Variants in SIRT1 observed in about 807,000 individuals in gnomAD.
SIRT1 encodes the protein sirtuin 1.
A neutral mutation model predicts 67.9 loss-of-function variants in SIRT1; 24 were observed. The ratio of observed to expected loss-of-function variants is 0.35; its 90% CI spans 0.26 to 0.50. The LOEUF is 0.50. Ranked by LOEUF, SIRT1 falls within the 20% of genes least tolerant of loss-of-function variation. The pLI, the probability that SIRT1 is intolerant of heterozygous loss-of-function variation, is 0.98. For missense variants in SIRT1, 873 were observed against 937.2 expected, an observed-to-expected ratio of 0.93 and a Z score of 0.89; for synonymous variants, 378 against 350.7, an observed-to-expected ratio of 1.08 and a Z score of -0.87.
intron 3 of SIRT1, 84 bp downstream of exon 3, chr10:67,889,207 G>A (rs370711962): frequency 1.4e-6 from 2 of 1,423,516 alleles, no homozygotes; most frequent in Non-Finnish European, 9.4e-7. Context: ...TGGTTTAGAA[G>A]GATTTATCCT....
Position 67,885,127 on chromosome 10 carries a change from G to T in SIRT1, c.406G>T (p.Ala136Ser). 7.0e-7 allele frequency: 1 copy of T among 1,435,318 alleles called. No homozygotes were observed. The highest frequency in any genetic ancestry group is 1.5e-5 in the African/African-American group (1 of 67,076). 88.9% of individuals were successfully genotyped at this position (1,435,318 alleles called of 1,614,324 possible). A position where few individuals can be genotyped will look rare whatever the true frequency, so the allele number is the denominator to read the frequency against. ...DDEGEEEEEA[A>S]AAAIGYRDNL... Reference sequence around the variant, plus strand: ...CGAGGGCGAGGAGGAGGAAGAGGCGGCGGCGGCGGCGATTGGGTACCGAGG... The same window carrying T: ...CGAGGGCGAGGAGGAGGAAGAGGCGTCGGCGGCGGCGATTGGGTACCGAGG... Residue 136 changes from alanine (A) to serine (S), a missense_variant, in exon 1 of 9, where the codon GCG (alanine) becomes TCG (serine). This residue lies in a region of SIRT1 where 327 missense variants were observed against 283.9 expected (regional missense o/e 1.15). Transcript: ENST00000212015.
At position 67,909,369 on chromosome 10, in the gene SIRT1, T is replaced by C. The variant is rs1564892459; in HGVS notation, c.1284T>C (p.Tyr428=). The part of the protein sequence containing the change: ...LPEQFHRAMK[Y]DKDEVDLLIV... ...AACAGTTTCATAGAGCCATGAAGTA[T>C]GACAAAGATGAAGTTGACCTCCTCA... The change falls in exon 7 of 9, where the codon TAT becomes TAC. Residue 428 remains tyrosine (Y), a synonymous_variant. Transcript: ENST00000212015. 6.2e-7 allele frequency: 1 copy of C among 1,613,914 alleles called. No homozygotes were observed. Among genetic ancestry groups the C allele is most frequent in the Non-Finnish European group, 8.5e-7 (1 of 1,179,972 alleles).
At position 67,917,554 on chromosome 10, in the gene SIRT1, A is replaced by G. The variant is rs2029960444; in HGVS notation, c.*961A>G. 6.6e-6 allele frequency: 1 copy of G among 152,578 alleles called. No individual in the cohort carries two copies. Among genetic ancestry groups the G allele is most frequent in the Non-Finnish European group, 1.5e-5 (1 of 68,022 alleles). The allele number at this position is 152,578 out of a possible 1,614,324, so 9.5% of individuals were successfully genotyped here. Reference sequence around the variant, plus strand: ...TGGTACTTCTACTGGGGAGAGTGTAATATTTTGGACTGCTGTTTTCCATTA... The same window carrying G: ...TGGTACTTCTACTGGGGAGAGTGTAGTATTTTGGACTGCTGTTTTCCATTA... On this transcript the variant is annotated 3_prime_UTR_variant, in exon 9 of 9. Transcript: ENST00000212015.
At chr10:67,912,130 G>A (rs1842910097) in intron 7 of SIRT1, among the ~76,000 whole-genome samples, 1 of 152,110 alleles carries the variant, frequency 6.6e-6, no homozygotes. Flanking sequence ...CTGTGCACTT[G>A]ACTAACTCAT....
chr10:67,896,484 G>A (rs965989471), intron 4 of SIRT1, among the ~76,000 whole-genome samples: 1 of 152,076 alleles, frequency 6.6e-6, no homozygotes, highest in African/African-American at 2.4e-5. Context: ...TTTCCTGTGC[G>A]TTGTAGGATG....
chr10:67,893,167 T>C (rs1240269986), intron 4 of SIRT1, among the ~76,000 whole-genome samples: 1 of 152,228 alleles, frequency 6.6e-6, no homozygotes, highest in Non-Finnish European at 1.5e-5. Flanking sequence ...CCGGGATACA[T>C]GTGCAGAATG....
At position 67,915,751 on chromosome 10, in the gene SIRT1, G is replaced by T. The variant is rs1013045768; in HGVS notation, c.1916-514G>T. Among the ~76,000 whole-genome samples, 7 of 152,156 alleles carry T rather than the reference G, an allele frequency of 4.6e-5. No individual in the cohort carries two copies. In the South Asian group the frequency reaches 1.5e-3, roughly 32 times the overall value. Reference sequence around the variant, plus strand: ...AGAGAAGCTACTTAACACAAATTGGGTATCTAATGTAGGCTGGGCTGGATA... The same window carrying T: ...AGAGAAGCTACTTAACACAAATTGGTTATCTAATGTAGGCTGGGCTGGATA... On this transcript the variant is annotated intron_variant, in intron 8 of 8. Coordinates refer to ENST00000212015, the MANE Select transcript of SIRT1 (RefSeq NM_012238.5).
rs1392998332 is a variant in SIRT1, at chr10:67,885,108, CGAG to C, written c.396_398del (p.Glu134del). The C allele has an allele frequency of 9.0e-6, 13 of 1,440,284 alleles. No individual in the cohort carries two copies. The highest frequency in any genetic ancestry group is 8.3e-5 in the South Asian group (6 of 72,030). The allele number at this position is 1,440,284 out of a possible 1,614,324, so 89.2% of individuals were successfully genotyped here. ...ACGACGAAGACGACGACGACGAGGG[CGAG>C]GAGGAGGAAGAGGCGGCGGCGGCGG... On this transcript the variant is annotated inframe_deletion, in exon 1 of 9. Coordinates refer to ENST00000212015, the MANE Select transcript of SIRT1 (RefSeq NM_012238.5).
At chr10:67,902,282 C>G (rs1480007051) in intron 4 of SIRT1, among the ~76,000 whole-genome samples, 1 of 152,220 alleles carries the variant, frequency 6.6e-6, no homozygotes, top group African/African-American at 2.4e-5. Flanking sequence ...AGCCACCGCG[C>G]CCGGCTACAA....
chr10:67,897,605 A>ACAAGGTCTGCCT (rs1422456295), intron 4 of SIRT1, among the ~76,000 whole-genome samples: 2 of 151,676 alleles, frequency 1.3e-5, no homozygotes, highest in Admixed American at 6.6e-5. Context: ...CTTGTGATTC[A>ACAAGGTCTGCCT]CCCACCTCTG....
At chr10:67,886,613 C>T (rs1286140894) in intron 1 of SIRT1, among the ~76,000 whole-genome samples, 2 of 150,600 alleles carry the variant, frequency 1.3e-5, no homozygotes, top group South Asian at 2.1e-4. Context: ...AGTAAAGAGA[C>T]CCTGATTTCA....
At chr10:67,903,929 GTGGCC>G (rs34151362) in intron 4 of SIRT1, among the ~76,000 whole-genome samples, 10,227 of 151,944 alleles carry the variant, frequency 0.067, 1,171 homozygotes, top group African/African-American at 0.23. Context: ...TTCAAACTGG[GTGGCC>G]TGTCTTGTTT....
At chr10:67,901,645 A>T (rs1842746649) in intron 4 of SIRT1, among the ~76,000 whole-genome samples, 1 of 152,242 alleles carries the variant, frequency 6.6e-6, no homozygotes, top group African/African-American at 2.4e-5. Context: ...AAAAGTGCTT[A>T]TGTTATACGT....
At chr10:67,885,524 T>C (rs1842464167) in intron 1 of SIRT1, 1 of 643,862 alleles carries the variant, frequency 1.6e-6, no homozygotes, top group Non-Finnish European at 2.0e-6. Flanking sequence ...GCTTTTCTCC[T>C]CTACCCCCCA....
At chr10:67,889,411 A>G (rs1370762250) in intron 3 of SIRT1, among the ~76,000 whole-genome samples, 1 of 152,222 alleles carries the variant, frequency 6.6e-6, no homozygotes, top group Non-Finnish European at 1.5e-5. Context: ...GATGCAGGGA[A>G]TTGAAACTCT....
intron 4 of SIRT1, among the ~76,000 whole-genome samples, chr10:67,893,541 CTT>C (rs537770097): frequency 4.7e-4 from 62 of 131,396 alleles, no homozygotes; most frequent in African/African-American, 1.1e-3. Context: ...ATGAACCTAG[CTT>C]TTTTTTTTTT....
chr10:67,891,321 C>T (rs184064670), intron 3 of SIRT1, 81 bp from the exon 4 acceptor site: 136 of 1,267,364 alleles, frequency 1.1e-4, no homozygotes, highest in Admixed American at 3.7e-4. Flanking sequence ...CAACTCTTAC[C>T]TAATTATATG....
intron 7 of SIRT1, 22 bp from the exon 8 acceptor site, chr10:67,912,452 C>CT (rs1842914560): frequency 6.4e-7 from 1 of 1,560,606 alleles, no homozygotes; most frequent in Non-Finnish European, 8.6e-7. Context: ...TTTTCTAACT[C>CT]TTATTTTTCA....
At chr10:67,901,550 A>C (rs528307878) in intron 4 of SIRT1, among the ~76,000 whole-genome samples, 1 of 152,158 alleles carries the variant, frequency 6.6e-6, no homozygotes, top group Non-Finnish European at 1.5e-5. Flanking sequence ...GGTCTCTGTC[A>C]TATGTTCTTT....
Sources: gnomAD v4.1 joint callset for allele counts (sites outside exome capture counted in the v4.1 genomes callset) on GRCh38, gnomAD v4.1.1 for gene constraint, gnomAD v4.1.1 regional missense constraint, MANE v1.5 for transcripts, NCBI Gene and HGNC (gene_info 2026-07-23, HGNC 2026-07-21) for gene names.